Variants in MAML3 observed in about 807,000 individuals in gnomAD.
MAML3 encodes mastermind-like protein 3.
A neutral mutation model predicts 101.9 loss-of-function variants in MAML3; 27 were observed. The observed-to-expected ratio is 0.27, with a 90% CI of 0.20 to 0.37. MAML3 has a LOEUF of 0.37. Ranked by LOEUF, MAML3 falls within the 10% of genes least tolerant of loss-of-function variation. MAML3 has a pLI of 1.00. For synonymous variants in MAML3, 501 were observed against 555.9 expected (o/e 0.90, Z 1.39); for missense variants, 1,316 against 1,444.9 (o/e 0.91, Z 1.45).
intron 1 of MAML3, among the ~76,000 whole-genome samples, chr4:139,935,955 A>G (rs1733498647): frequency 6.6e-6 from 1 of 152,184 alleles, no homozygotes; most frequent in Non-Finnish European, 1.5e-5. Flanking sequence ...GACTGTAGTT[A>G]CCATATTGTA....
chr4:140,018,533 T>C (rs1197669178), intron 1 of MAML3, among the ~76,000 whole-genome samples: 1 of 152,218 alleles, frequency 6.6e-6, no homozygotes, highest in Admixed American at 6.5e-5. Flanking sequence ...ATAATCAAAA[T>C]ATTCTGTCAA....
At chr4:139,724,975 T>C (rs1018671301) in intron 4 of MAML3, among the ~76,000 whole-genome samples, 1 of 152,126 alleles carries the variant, frequency 6.6e-6, no homozygotes, top group African/African-American at 2.4e-5. Flanking sequence ...GCCAGGCTGG[T>C]CTTGAACTCC....
At chr4:139,995,748 C>T (rs774762939) in intron 1 of MAML3, among the ~76,000 whole-genome samples, 4 of 151,954 alleles carry the variant, frequency 2.6e-5, no homozygotes, top group Non-Finnish European at 5.9e-5. Context: ...CTAGCTACAA[C>T]TTTTGGTTTC....
Position 139,981,885 on chromosome 4 carries a change from C to T in MAML3, c.469-90918G>A, listed in dbSNP as rs546163304. On this transcript the variant is annotated intron_variant, in intron 1 of 4. Coordinates refer to ENST00000509479, the MANE Select transcript of MAML3 (RefSeq NM_018717.5). ...CAGAGATAAAGTGCCATTCTCATCA[C>T]GTCATATCAAGAATGCATGATATCG... 7.9e-5 allele frequency among the ~76,000 whole-genome samples: 12 copies of T among 152,292 alleles called. No individual in the cohort carries two copies. In the East Asian group the frequency reaches 9.6e-4, roughly 12 times the overall value.
At chr4:139,761,328 T>C (rs1237331812) in intron 2 of MAML3, among the ~76,000 whole-genome samples, 1 of 152,192 alleles carries the variant, frequency 6.6e-6, no homozygotes, top group Non-Finnish European at 1.5e-5. Flanking sequence ...TTCGACAGAA[T>C]GGACCATGGA....
At chr4:139,985,016 A>T (rs1423878808) in intron 1 of MAML3, among the ~76,000 whole-genome samples, 1 of 152,242 alleles carries the variant, frequency 6.6e-6, no homozygotes, top group East Asian at 1.9e-4. Context: ...TAATATGGCA[A>T]ATATAGATTC....
intron 1 of MAML3, among the ~76,000 whole-genome samples, chr4:140,045,664 TCTGA>T (rs1411598147): frequency 6.6e-6 from 1 of 152,198 alleles, no homozygotes; most frequent in East Asian, 1.9e-4. Context: ...TTTCACACTT[TCTGA>T]CTAATTTCTT....
intron 1 of MAML3, among the ~76,000 whole-genome samples, chr4:140,145,890 T>TTTTTTTTTG (rs61039736): frequency 6.8e-6 from 1 of 146,278 alleles, no homozygotes; most frequent in Admixed American, 6.8e-5. Flanking sequence ...TTTTTTTTTT[T>TTTTTTTTTG]GAGAAGGATT....
At chr4:139,803,845 T>A (rs73854360) in intron 2 of MAML3, among the ~76,000 whole-genome samples, 3 of 152,300 alleles carry the variant, frequency 2.0e-5, no homozygotes, top group African/African-American at 4.8e-5. Context: ...GAGTTGAAGA[T>A]CTTGCCCAAG....
At chr4:139,768,222 TTGTGTGTG>T (rs34182828) in intron 2 of MAML3, among the ~76,000 whole-genome samples, 4,517 of 136,416 alleles carry the variant, frequency 0.033, 87 homozygotes, top group Non-Finnish European at 0.05. Context: ...CTGTTGATAG[TTGTGTGTG>T]TGTGTGTGTG....
chr4:140,140,603 C>CA lies in MAML3; in HGVS notation c.468+12256dup, dbSNP rs201905037. On this transcript the variant is annotated intron_variant, in intron 1 of 4. Coordinates refer to ENST00000509479, the MANE Select transcript of MAML3 (RefSeq NM_018717.5). ...AGATGCTATGGGCCCAGCTAAATGGCAAAAAAAAGGCTAAACCAAATCTAG... is the reference window on the plus strand; with the variant it reads ...AGATGCTATGGGCCCAGCTAAATGGCAAAAAAAAAGGCTAAACCAAATCTAG... 1.8e-3 allele frequency among the ~76,000 whole-genome samples: 277 copies of CA among 150,986 alleles called. 1 individual carries two copies. Among genetic ancestry groups the CA allele is most frequent in the Admixed American group, 8.4e-3 (128 of 15,176 alleles).
intron 2 of MAML3, among the ~76,000 whole-genome samples, chr4:139,741,397 C>T (rs1325968702): frequency 6.6e-6 from 1 of 152,136 alleles, no homozygotes; most frequent in Non-Finnish European, 1.5e-5. Context: ...CAAGGTTTTA[C>T]ATATATAGTC....
chr4:139,828,731 T>TAAAAA (rs1229224315), intron 2 of MAML3, among the ~76,000 whole-genome samples: 1,722 of 77,072 alleles, frequency 0.022, 39 homozygotes, highest in African/African-American at 0.066. Context: ...TTTTTTTTTT[T>TAAAAA]TAAAAACATA....
chr4:140,083,860 C>T (rs1350806274), intron 1 of MAML3, among the ~76,000 whole-genome samples: 2 of 151,818 alleles, frequency 1.3e-5, no homozygotes, highest in African/African-American at 4.8e-5. Flanking sequence ...TTCGCCCCAA[C>T]ACACTGACTC....
rs147047175 is a variant in MAML3, at chr4:140,153,482, C to CGG, written c.-157_-156dup. The CGG allele has an allele frequency of 3.5e-3, 2,484 of 713,922 alleles. 150 individuals are homozygous for CGG. The Admixed American group carries it at 0.087, about 25-fold the overall frequency. 44.2% of individuals were successfully genotyped at this position (713,922 alleles called of 1,614,324 possible). A position where few individuals can be genotyped will look rare whatever the true frequency, so the allele number is the denominator to read the frequency against. On this transcript the variant is annotated 5_prime_UTR_variant, in exon 1 of 5. Coordinates refer to ENST00000509479, the MANE Select transcript of MAML3 (RefSeq NM_018717.5). ...GGCGATCCCGACGGGGCGAAAAAAA[C>CGG]GGGGGGGGAGATTTTGGGGTGGTTT...
chr4:139,830,602 G>A (rs1291656034), intron 2 of MAML3, among the ~76,000 whole-genome samples: 2 of 151,812 alleles, frequency 1.3e-5, no homozygotes. Context: ...TTTTAGTAGA[G>A]ACGGGGTTTC....
At chr4:140,003,160 T>C (rs760229005) in intron 1 of MAML3, among the ~76,000 whole-genome samples, 5 of 152,214 alleles carry the variant, frequency 3.3e-5, no homozygotes, top group Non-Finnish European at 7.3e-5. Flanking sequence ...TTAATCAGTA[T>C]CATGAACTGT....
At chr4:139,807,219 C>G (rs1578610621) in intron 2 of MAML3, among the ~76,000 whole-genome samples, 1 of 152,246 alleles carries the variant, frequency 6.6e-6, no homozygotes, top group African/African-American at 2.4e-5. Context: ...TAACAACTGA[C>G]AAGACTTGCC....
intron 1 of MAML3, among the ~76,000 whole-genome samples, chr4:139,988,020 CAAAAA>C (rs71593735): frequency 1.6e-4 from 5 of 31,452 alleles, no homozygotes; most frequent in African/African-American, 2.5e-4. Flanking sequence ...AACTCCGTCT[CAAAAA>C]AAAAAAAAAA....
Sources: gnomAD v4.1 joint callset for allele counts (sites outside exome capture counted in the v4.1 genomes callset) on GRCh38, gnomAD v4.1.1 for gene constraint, MANE v1.5 for transcripts, NCBI Gene and HGNC (gene_info 2026-07-23, HGNC 2026-07-21) for gene names.